Variants in DNER observed in about 807,000 individuals in gnomAD.
DNER encodes delta and Notch-like epidermal growth factor-related receptor.
A neutral mutation model predicts 78.2 loss-of-function variants in DNER; 33 were observed. The observed-to-expected ratio is 0.42, with a 90% CI of 0.32 to 0.56. The LOEUF (loss-of-function observed/expected upper bound fraction) is 0.56, where lower values mean the gene tolerates loss of function less well. Among genes scored for constraint, DNER ranks in the 20% least tolerant of loss-of-function variants. The probability of loss-of-function intolerance (pLI) is 0.11; values close to 1 mark genes in which losing one functional copy is unlikely to be tolerated. For missense variants in DNER, 918 were observed against 975.3 expected, an observed-to-expected ratio of 0.94 and a Z score of 0.78; for synonymous variants, 417 against 384.8, an observed-to-expected ratio of 1.08 and a Z score of -0.98.
In DNER at chr2:229,531,799, T is replaced by G. The variant is rs1280617232; in HGVS notation, c.993+15148A>C. ...ATAAATGGACCTTGTGGTATATCCA[T>G]ACAATGGAACATTACTCAGCCATAT... On this transcript the variant is annotated intron_variant, in intron 5 of 12. Transcript: ENST00000341772. Among the ~76,000 whole-genome samples the G allele has an allele frequency of 2.6e-5, 4 of 152,288 alleles. No individual in the cohort carries two copies. The South Asian group carries it at 8.3e-4, about 32-fold the overall frequency.
intron 5 of DNER, among the ~76,000 whole-genome samples, chr2:229,526,565 C>A (rs529624873): frequency 6.6e-6 from 1 of 152,296 alleles, no homozygotes; most frequent in Admixed American, 6.5e-5. Context: ...CTCAGCTCAT[C>A]GGGCATTAGC....
At chr2:229,543,935 T>C (rs1338329467) in intron 5 of DNER, among the ~76,000 whole-genome samples, 1 of 152,132 alleles carries the variant, frequency 6.6e-6, no homozygotes, top group Non-Finnish European at 1.5e-5. Context: ...TTCCTCCTAT[T>C]AGTCTCATCT....
intron 1 of DNER, among the ~76,000 whole-genome samples, chr2:229,651,271 G>C (rs775545272): frequency 6.6e-6 from 1 of 152,216 alleles, no homozygotes; most frequent in African/African-American, 2.4e-5. Context: ...TTCAATTAAT[G>C]AGAGTCCATT....
chr2:229,638,138 T>A (rs923366131), intron 1 of DNER, among the ~76,000 whole-genome samples: 96 of 152,206 alleles, frequency 6.3e-4, no homozygotes, highest in African/African-American at 2.1e-3. Context: ...CTTCCCCAAC[T>A]GATTTATAGA....
chr2:229,445,774 TC>T (rs1694328996), intron 8 of DNER, among the ~76,000 whole-genome samples: 2 of 152,122 alleles, frequency 1.3e-5, no homozygotes, highest in Non-Finnish European at 2.9e-5. Context: ...AATCTCTCTC[TC>T]TCTCCTCGCT....
At chr2:229,532,971 G>A (rs1373872626) in intron 5 of DNER, among the ~76,000 whole-genome samples, 1 of 152,106 alleles carries the variant, frequency 6.6e-6, no homozygotes, top group African/African-American at 2.4e-5. Context: ...GGGGTTGAGG[G>A]GATCGAGGAG....
intron 7 of DNER, among the ~76,000 whole-genome samples, chr2:229,461,589 G>C (rs1289615995): frequency 6.6e-6 from 1 of 151,934 alleles, no homozygotes; most frequent in East Asian, 1.9e-4. Flanking sequence ...TACGTAGAAT[G>C]ATGTCATATA....
intron 11 of DNER, among the ~76,000 whole-genome samples, chr2:229,384,899 A>G (rs761430867): frequency 6.6e-6 from 1 of 152,148 alleles, no homozygotes; most frequent in African/African-American, 2.4e-5. Context: ...ACTCCTTCCC[A>G]ACTCATTTCA....
rs560858323 is a variant in DNER, at chr2:229,449,071, A to G, written c.1262-1531T>C. Among the ~76,000 whole-genome samples, 4 of 152,312 alleles carry G rather than the reference A, an allele frequency of 2.6e-5. No homozygotes were observed. The South Asian group carries it at 8.3e-4, about 32-fold the overall frequency. ...TAAAATTATCCTCCAAAAAAATCCA[A>G]TGCTATTCAGCATTTTATAAAATTC... On this transcript the variant is annotated intron_variant, in intron 7 of 12. Coordinates refer to ENST00000341772, the MANE Select transcript of DNER (RefSeq NM_139072.4).
In DNER at chr2:229,714,202, G is replaced by T. The variant is rs1574582250; in HGVS notation, c.222C>A (p.Gly74=). 3 of 1,380,306 alleles carry T rather than the reference G, an allele frequency of 2.2e-6. No homozygotes were observed. The highest frequency in any genetic ancestry group is 2.8e-6 in the Non-Finnish European group (3 of 1,070,536). 85.5% of individuals were successfully genotyped at this position (1,380,306 alleles called of 1,614,324 possible). A position where few individuals can be genotyped will look rare whatever the true frequency, so the allele number is the denominator to read the frequency against. Residue 74 remains glycine (G), a synonymous_variant, in exon 1 of 13, where the codon GGC becomes GGA. Coordinates refer to ENST00000341772, the MANE Select transcript of DNER (RefSeq NM_139072.4). ...GGCAGGTGCAGCTGTAGCCAGGCTC[G>T]CCGGCGGGGGCCGGGTGCTGCGGGT... is the stretch of plus-strand genomic sequence containing the variant. ...EPDPQHPAPA[G]EPGYSCTCPA...
chr2:229,366,843 A>C, intron 12 of DNER, 30 bp downstream of exon 12: 1 of 1,612,704 alleles, frequency 6.2e-7, no homozygotes, highest in Non-Finnish European at 8.5e-7. Context: ...ATGTGAAGGC[A>C]GCATTCCCCA....
chr2:229,418,094 A>AG lies in DNER; in HGVS notation c.1609+13dup. On this transcript the variant is annotated intron_variant, in intron 9 of 12. Coordinates refer to ENST00000341772, the MANE Select transcript of DNER (RefSeq NM_139072.4). ...AGAGCCATTCTGGCACAGGAAGGCC[A>AG]GGCGGCCTCTCACCTTTGTATTCTG... is the stretch of plus-strand genomic sequence containing the variant. 1 of 1,614,162 alleles carries AG rather than the reference A, an allele frequency of 6.2e-7. No individual in the cohort carries two copies. The highest frequency in any genetic ancestry group is 1.3e-5 in the African/African-American group (1 of 75,074).
intron 1 of DNER, chr2:229,606,339 A>G (rs747704968): frequency 1.3e-5 from 2 of 152,196 alleles, no homozygotes; most frequent in African/African-American, 4.8e-5. Context: ...GGCCTTGAGC[A>G]CAGGAAAGGA....
chr2:229,631,078 C>T (rs770140352), intron 1 of DNER, among the ~76,000 whole-genome samples: 10 of 152,288 alleles, frequency 6.6e-5, no homozygotes, highest in Non-Finnish European at 1.2e-4. Context: ...TTTGCTATCA[C>T]GAATAGCACT....
At chr2:229,618,818 C>T (rs1359798264) in intron 1 of DNER, among the ~76,000 whole-genome samples, 2 of 152,056 alleles carry the variant, frequency 1.3e-5, no homozygotes, top group Non-Finnish European at 1.5e-5. Context: ...TTTAATGTCT[C>T]TTAAAGTGGC....
chr2:229,553,254 T>C (rs1696785479), intron 4 of DNER, among the ~76,000 whole-genome samples: 1 of 152,230 alleles, frequency 6.6e-6, no homozygotes, highest in Non-Finnish European at 1.5e-5. Flanking sequence ...CTCTCAGAAC[T>C]GCTTCCAGTA....
intron 5 of DNER, among the ~76,000 whole-genome samples, chr2:229,524,702 A>G (rs1405581833): frequency 6.6e-6 from 1 of 152,210 alleles, no homozygotes; most frequent in Non-Finnish European, 1.5e-5. Flanking sequence ...GATAGGGAAG[A>G]ATCAAATGCT....
At chr2:229,633,882 C>G (rs1037321279) in intron 1 of DNER, among the ~76,000 whole-genome samples, 1 of 152,238 alleles carries the variant, frequency 6.6e-6, no homozygotes, top group African/African-American at 2.4e-5. Context: ...TCTGAAGGTT[C>G]TTAACGCAGG....
rs759453658 is a variant in DNER, at chr2:229,512,760, T to G, written c.1147+23A>C. The G allele has an allele frequency of 3.1e-6, 5 of 1,613,750 alleles. No individual in the cohort carries two copies. The Admixed American group carries it at 8.3e-5, about 27-fold the overall frequency. ...GCTGTACAGACATACACCTAATAAC[T>G]GAACCATGAGTATGTGTCGTACCAG... On this transcript the variant is annotated intron_variant, in intron 6 of 12. Coordinates refer to ENST00000341772, the MANE Select transcript of DNER (RefSeq NM_139072.4).
Sources: gnomAD v4.1 joint callset for allele counts (sites outside exome capture counted in the v4.1 genomes callset) on GRCh38, gnomAD v4.1.1 for gene constraint, MANE v1.5 for transcripts, NCBI Gene and HGNC (gene_info 2026-07-23, HGNC 2026-07-21) for gene names.